Variants in TNR observed in about 807,000 individuals in gnomAD.
TNR encodes tenascin R.
A neutral mutation model predicts 150.4 loss-of-function variants in TNR; 45 were observed. That is an observed-to-expected ratio of 0.30 (90% confidence interval 0.24 to 0.38). TNR has a LOEUF of 0.38. Ranked by LOEUF, TNR falls within the 10% of genes least tolerant of loss-of-function variation. TNR has a pLI of 1.00. For missense variants in TNR, 1,544 were observed against 1,759.1 expected (o/e 0.88, Z 2.19); for synonymous variants, 687 against 678.4 (o/e 1.01, Z -0.20).
intron 1 of TNR, among the ~76,000 whole-genome samples, chr1:175,693,879 A>T (rs1666442241): frequency 6.6e-6 from 1 of 152,252 alleles, no homozygotes; most frequent in Non-Finnish European, 1.5e-5. Flanking sequence ...AGTACATTTC[A>T]ACTGCTCTCT....
At chr1:175,451,214 TTTAA>T (rs1557942054) in intron 2 of TNR, among the ~76,000 whole-genome samples, 6 of 141,640 alleles carry the variant, frequency 4.2e-5, no homozygotes, top group South Asian at 2.3e-4. Context: ...GTTTTTTTTT[TTTAA>T]TGTTTTTATT....
Position 175,741,883 on chromosome 1 carries a change from A to G in TNR, c.-165+1343T>C, listed in dbSNP as rs750036787. Among the ~76,000 whole-genome samples the G allele has an allele frequency of 4.6e-5, 7 of 152,210 alleles. No homozygotes were observed. The South Asian group carries it at 8.3e-4, about 18-fold the overall frequency. ...AGAGTGAAACCACCCCACCTTGCCTATGTATCTCCCCTGTCTCAACACACT... is the reference window on the plus strand; with the variant it reads ...AGAGTGAAACCACCCCACCTTGCCTGTGTATCTCCCCTGTCTCAACACACT... On this transcript the variant is annotated intron_variant, in intron 1 of 22. Transcript: ENST00000367674.
chr1:175,379,407 T>C (rs859426), intron 9 of TNR, 145 bp downstream of exon 9: 398,294 of 603,554 alleles, frequency 0.66, 132,411 homozygotes, highest in East Asian at 0.8. Flanking sequence ...GTACAATGGA[T>C]AGTACTAGAC....
intron 1 of TNR, among the ~76,000 whole-genome samples, chr1:175,530,671 C>G (rs1660026421): frequency 6.6e-6 from 1 of 152,114 alleles, no homozygotes; most frequent in Non-Finnish European, 1.5e-5. Context: ...TGCATACATA[C>G]ACATACTTTT....
chr1:175,585,479 T>C (rs1171967355), intron 1 of TNR, among the ~76,000 whole-genome samples: 1 of 152,200 alleles, frequency 6.6e-6, no homozygotes, highest in Non-Finnish European at 1.5e-5. Flanking sequence ...TATTCCCATT[T>C]TATGGATGAG....
chr1:175,692,817 G>A (rs1016264686), intron 1 of TNR, among the ~76,000 whole-genome samples: 1 of 152,176 alleles, frequency 6.6e-6, no homozygotes, highest in African/African-American at 2.4e-5. Context: ...ATAGGGTAAA[G>A]AGGGATTATT....
At chr1:175,485,298 T>C (rs1657964628) in intron 2 of TNR, among the ~76,000 whole-genome samples, 1 of 152,096 alleles carries the variant, frequency 6.6e-6, no homozygotes, top group Non-Finnish European at 1.5e-5. Context: ...ACTGGAAGTT[T>C]CCCCCAAACT....
chr1:175,379,897 G>C (rs1352425666), intron 8 of TNR, among the ~76,000 whole-genome samples, 160 bp from the exon 9 acceptor site: 1 of 152,184 alleles, frequency 6.6e-6, no homozygotes, highest in Non-Finnish European at 1.5e-5. Flanking sequence ...TTTTTGGTCT[G>C]CTGTGACAAA....
intron 2 of TNR, among the ~76,000 whole-genome samples, chr1:175,450,708 C>T (rs1217466634): frequency 6.6e-6 from 1 of 152,198 alleles, no homozygotes; most frequent in Admixed American, 6.5e-5. Context: ...TGAAAGCTTC[C>T]TTCATAGAAA....
At chr1:175,326,897 A>G (rs1262811751) in intron 21 of TNR, among the ~76,000 whole-genome samples, 1 of 150,810 alleles carries the variant, frequency 6.6e-6, no homozygotes, top group Non-Finnish European at 1.5e-5. Context: ...CGATCTCCTG[A>G]CCTCATGATC....
intron 2 of TNR, among the ~76,000 whole-genome samples, chr1:175,496,486 C>T (rs1281040916): frequency 6.6e-6 from 1 of 152,178 alleles, no homozygotes; most frequent in African/African-American, 2.4e-5. Context: ...ATCTCTGGCA[C>T]TGTTTACTGA....
At chr1:175,508,575 G>C (rs1218142679) in intron 2 of TNR, among the ~76,000 whole-genome samples, 1 of 152,242 alleles carries the variant, frequency 6.6e-6, no homozygotes, top group Non-Finnish European at 1.5e-5. Flanking sequence ...ACTGCTCACT[G>C]TGGCAGTAGC....
chr1:175,556,845 C>T (rs1290418151), intron 1 of TNR: 1 of 152,572 alleles, frequency 6.6e-6, no homozygotes, highest in South Asian at 2.1e-4. Flanking sequence ...CTTATGTAGT[C>T]TCCTCGCCAT....
At chr1:175,342,202 T>C (rs879290527) in intron 18 of TNR, among the ~76,000 whole-genome samples, 2 of 152,054 alleles carry the variant, frequency 1.3e-5, no homozygotes, top group Non-Finnish European at 2.9e-5. Context: ...GGGAAAGAGA[T>C]AAACATTGTG....
At chr1:175,440,486 C>T (rs1047714472) in intron 2 of TNR, among the ~76,000 whole-genome samples, 1 of 150,886 alleles carries the variant, frequency 6.6e-6, no homozygotes. Context: ...ATGTAACAAA[C>T]CTGTATGTTG....
intron 1 of TNR, among the ~76,000 whole-genome samples, chr1:175,677,905 A>G (rs7544659): frequency 0.58 from 88,491 of 151,910 alleles, 26,051 homozygotes; most frequent in East Asian, 0.67. Flanking sequence ...AAGATCAAGA[A>G]TGACAGAGAG....
intron 1 of TNR, among the ~76,000 whole-genome samples, chr1:175,582,155 T>A (rs945838970): frequency 3.3e-5 from 5 of 152,236 alleles, no homozygotes; most frequent in Non-Finnish European, 1.5e-5. Context: ...AATGCCTTTT[T>A]ACCTACAACT....
chr1:175,466,877 C>T (rs566434354), intron 2 of TNR, among the ~76,000 whole-genome samples: 2 of 152,140 alleles, frequency 1.3e-5, no homozygotes, highest in Admixed American at 1.3e-4. Context: ...CATTAGTATC[C>T]AAGCCACCAA....
chr1:175,488,863 G>A (rs986832527), intron 2 of TNR, among the ~76,000 whole-genome samples: 13 of 152,186 alleles, frequency 8.5e-5, no homozygotes, highest in African/African-American at 3.1e-4. Context: ...AGGTGAGGGA[G>A]GAAGGGTGCC....
Sources: allele counts gnomAD v4.1 joint callset (sites outside exome capture counted in the v4.1 genomes callset), GRCh38; gene constraint gnomAD v4.1.1; transcripts MANE v1.5; gene names NCBI Gene and HGNC (gene_info 2026-07-23, HGNC 2026-07-21).